Variants in HTT observed in about 807,000 individuals in gnomAD.
HTT encodes the protein huntingtin.
A neutral mutation model predicts 362.3 loss-of-function variants in HTT; 104 were observed. The ratio of observed to expected loss-of-function variants is 0.29; its 90% CI spans 0.24 to 0.34. HTT has a LOEUF of 0.34. Among genes scored for constraint, HTT ranks in the 10% least tolerant of loss-of-function variants. The pLI is 1.00. For missense variants in HTT, 3,301 were observed against 3,928.6 expected (o/e 0.84, Z 4.27); for synonymous variants, 1,577 against 1,548.7 (o/e 1.02, Z -0.43).
At chr4:3,088,197 T>G (rs1253010128) in intron 2 of HTT, among the ~76,000 whole-genome samples, 4 of 150,798 alleles carry the variant, frequency 2.7e-5, no homozygotes, top group Admixed American at 2.6e-4. Context: ...TGTTTTTTTT[T>G]TTTTTTTGAG....
rs753729045 is a variant in HTT, at chr4:3,131,334, G to A, written c.2035G>A (p.Ala679Thr). 27 of 1,613,976 alleles carry A rather than the reference G, an allele frequency of 1.7e-5. No individual in the cohort carries two copies. The highest frequency in any genetic ancestry group is 6.7e-5 in the African/African-American group (5 of 74,896). Residue 679 changes from alanine (A) to threonine (T), a missense_variant, in exon 15 of 67, where the codon GCA becomes ACA. Physicochemically the swap from Ala to Thr is moderately conservative, Grantham distance 58. Around this residue, in one of 4 missense-constraint regions of HTT, gnomAD observed 2,316 missense variants for 2,658.5 expected, o/e 0.87. Coordinates refer to ENST00000355072, the MANE Select transcript of HTT (RefSeq NM_001388492.1). The part of the protein sequence containing the change: ...DIGQSTDDDS[A>T]PLVHCVRLLS... Reference sequence around the variant, plus strand: ...TGGACAGTCCACTGATGATGACTCTGCACCTCTTGTCCATTGTGTCCGCCT... The same window carrying A: ...TGGACAGTCCACTGATGATGACTCTACACCTCTTGTCCATTGTGTCCGCCT...
At position 3,091,108 on chromosome 4, in the gene HTT, G is replaced by A. The variant is rs186366695; in HGVS notation, c.347+4086G>A. Among the ~76,000 whole-genome samples the A allele has an allele frequency of 2.3e-4, 35 of 152,192 alleles. 1 individual carries two copies. Among genetic ancestry groups the A allele is most frequent in the Admixed American group, 2.1e-3 (32 of 15,284 alleles). The stretch of plus-strand genomic sequence containing the variant: ...GCCTGGGCGACAAGAGCAAAATTCT[G>A]TCTCAAGAAAAAAGAGAAAAAAGAA... On this transcript the variant is annotated intron_variant, in intron 2 of 66. Transcript: ENST00000355072.
At chr4:3,110,990 C>T (rs1053895034) in intron 6 of HTT, among the ~76,000 whole-genome samples, 2 of 152,096 alleles carry the variant, frequency 1.3e-5, no homozygotes, top group East Asian at 1.9e-4. Context: ...ATCTCAAACT[C>T]TTCTATTCAT....
intron 5 of HTT, among the ~76,000 whole-genome samples, chr4:3,106,679 A>AT (rs1333561418): frequency 6.6e-6 from 1 of 151,366 alleles, no homozygotes; most frequent in Admixed American, 6.6e-5. Flanking sequence ...CTTCCTCCTG[A>AT]TGGTTTTTTT....
intron 47 of HTT, among the ~76,000 whole-genome samples, 178 bp downstream of exon 47, chr4:3,210,127 T>C (rs1343458967): frequency 6.6e-6 from 1 of 152,114 alleles, no homozygotes; most frequent in Non-Finnish European, 1.5e-5. Flanking sequence ...TGGGGAGGAC[T>C]CCATTTCAGA....
At chr4:3,157,338 G>C in intron 28 of HTT, 139 bp downstream of exon 28, 1 of 773,540 alleles carries the variant, frequency 1.3e-6, no homozygotes, top group Non-Finnish European at 2.1e-6. Flanking sequence ...AAGTTTGTTT[G>C]TCTTTCAGCT....
At chr4:3,195,544 C>T (rs989611498) in intron 40 of HTT, among the ~76,000 whole-genome samples, 1 of 152,136 alleles carries the variant, frequency 6.6e-6, no homozygotes, top group Non-Finnish European at 1.5e-5. Context: ...CTGTCTCAGA[C>T]TGCTGCTCAT....
Position 3,095,215 on chromosome 4 carries a change from A to T in HTT, c.348-4059A>T, listed in dbSNP as rs369914479. Among the ~76,000 whole-genome samples, 5 of 152,364 alleles carry T rather than the reference A, an allele frequency of 3.3e-5. No homozygotes were observed. In the East Asian group the frequency reaches 7.7e-4, roughly 24 times the overall value. ...GGTTGTAGTGACCCGAGATCACGCC[A>T]CTGCACTCCAGCCTGGGCAACACTG... On this transcript the variant is annotated intron_variant, in intron 2 of 66. Coordinates refer to ENST00000355072, the MANE Select transcript of HTT (RefSeq NM_001388492.1).
chr4:3,100,908 T>A (rs554164903), intron 3 of HTT, among the ~76,000 whole-genome samples: 1 of 152,202 alleles, frequency 6.6e-6, no homozygotes. Flanking sequence ...TTAAAATTAT[T>A]TGTAGAGATG....
chr4:3,208,967 C>G, intron 46 of HTT, 56 bp downstream of exon 46: 2 of 1,544,526 alleles, frequency 1.3e-6, no homozygotes, highest in Non-Finnish European at 1.7e-6. Flanking sequence ...CCTCTGTCAC[C>G]TGTGGCAGAT....
chr4:3,153,858 A>C (rs2110211403), intron 26 of HTT, among the ~76,000 whole-genome samples: 1 of 152,204 alleles, frequency 6.6e-6, no homozygotes. Flanking sequence ...CAGGAGGTTG[A>C]GGCTACAATG....
Position 3,212,092 on chromosome 4 carries a change from A to G in HTT, c.6578A>G (p.Glu2193Gly). The G allele has an allele frequency of 6.2e-7, 1 of 1,613,978 alleles. No individual in the cohort carries two copies. The highest frequency in any genetic ancestry group is 8.5e-7 in the Non-Finnish European group (1 of 1,179,832). ...GCTGTCCATCATGTCTTCCAGCCCG[A>G]GCTGCCTGCAGAGCCGGCGGCCTAC... ...LPAVHHVFQP[E>G]LPAEPAAYWS... Residue 2193 changes from glutamate to glycine, a missense_variant, in exon 48 of 67, where the codon GAG becomes GGG. Around this residue, in one of 4 missense-constraint regions of HTT, gnomAD observed 220 missense variants for 218.5 expected, o/e 1.01. Transcript: ENST00000355072.
At chr4:3,169,648 A>G (rs975855555) in intron 29 of HTT, among the ~76,000 whole-genome samples, 1 of 151,384 alleles carries the variant, frequency 6.6e-6, no homozygotes, top group Non-Finnish European at 1.5e-5. Flanking sequence ...ATATCAGCTC[A>G]CTGCAACCTC....
chr4:3,236,327 T>G, intron 64 of HTT, 73 bp downstream of exon 64: 1 of 1,008,670 alleles, frequency 9.9e-7, no homozygotes, highest in Non-Finnish European at 1.6e-6. Flanking sequence ...CTTTTGTGTG[T>G]GTCTGCTGAT....
In HTT at chr4:3,158,641, T is replaced by C. The variant is rs989861086; in HGVS notation, c.3753+1442T>C. ...TTTTGTTACTAATAGTTACTTCTTA[T>C]GGGTTTTTTTTCCCCTGAAAATCAT... On this transcript the variant is annotated intron_variant, in intron 28 of 66. Transcript: ENST00000355072. Among the ~76,000 whole-genome samples, 4 of 150,546 alleles carry C rather than the reference T, an allele frequency of 2.7e-5. No individual in the cohort carries two copies. The South Asian group carries it at 6.5e-4, about 24-fold the overall frequency.
chr4:3,214,016 G>T lies in HTT; in HGVS notation c.6833G>T (p.Gly2278Val). 6.2e-7 allele frequency: 1 copy of T among 1,608,896 alleles called. No individual in the cohort carries two copies. The highest frequency in any genetic ancestry group is 1.1e-5 in the South Asian group (1 of 90,154). Residue 2278 changes from glycine (G) to valine (V), a missense_variant, in exon 50 of 67, where the codon GGG (glycine) becomes GTG (valine). Gly to Val is a moderately radical substitution (Grantham distance 109). Transcript: ENST00000355072. ...QIPLSLDLQA[G>V]LDCCCLALQL... ...CCGCTGAGTCTGGATCTCCAGGCAG[G>T]GCTGGACTGCTGCTGCCTGGCCCTG... is the stretch of plus-strand genomic sequence containing the variant.
At chr4:3,118,104 C>T (rs535019499) in intron 8 of HTT, among the ~76,000 whole-genome samples, 2 of 152,316 alleles carry the variant, frequency 1.3e-5, no homozygotes, top group Non-Finnish European at 2.9e-5. Context: ...TGATATACTG[C>T]TTCCATCTCC....
chr4:3,228,698 C>T lies in HTT; in HGVS notation c.7932C>T (p.Ala2644=), dbSNP rs368741323. The change falls in exon 58 of 67, where the codon GCC becomes GCT. Residue 2644 remains alanine, a synonymous_variant. Coordinates refer to ENST00000355072, the MANE Select transcript of HTT (RefSeq NM_001388492.1). This position sits in a 1 kb window ranked among gnomAD's most constrained non-coding sequence, Gnocchi z 4.3. ...EEWDEEEEEE[A]DAPAPSSPPT... is the part of the protein sequence containing the mutation. ...GGGACGAGGAAGAGGAGGAGGAGGC[C>T]GACGCCCCTGCACCTTCGTCACCAC... 1.1e-5 allele frequency: 18 copies of T among 1,610,176 alleles called. No individual in the cohort carries two copies. The highest frequency in any genetic ancestry group is 1.7e-4 in the Middle Eastern group (1 of 6,040).
chr4:3,101,495 G>GA (rs1341410524), intron 3 of HTT, among the ~76,000 whole-genome samples: 1 of 152,264 alleles, frequency 6.6e-6, no homozygotes, highest in Non-Finnish European at 1.5e-5. Context: ...CACTGTGGCA[G>GA]AGTAGGGGGA....
Sources: allele counts gnomAD v4.1 joint callset (sites outside exome capture counted in the v4.1 genomes callset), GRCh38; gene constraint gnomAD v4.1.1; regional missense constraint gnomAD v4.1.1; non-coding constraint Gnocchi (gnomAD v3.1); transcripts MANE v1.5; gene names NCBI Gene and HGNC (gene_info 2026-07-23, HGNC 2026-07-21).